Variants in SERPINI1 observed in about 807,000 individuals in gnomAD.
SERPINI1 encodes serpin family I member 1.
Under a neutral mutation model 41.1 loss-of-function variants are expected in SERPINI1, and 19 were observed. That is an observed-to-expected ratio of 0.46 (90% CI 0.32 to 0.68). SERPINI1 has a LOEUF of 0.68. SERPINI1 is among the 30% of genes least tolerant of loss of function. The pLI, the probability that SERPINI1 is intolerant of heterozygous loss-of-function variation, is 0.03. For synonymous variants in SERPINI1, 138 were observed against 156.6 expected, an observed-to-expected ratio of 0.88 and a Z score of 0.89; for missense variants, 460 against 479.2, an observed-to-expected ratio of 0.96 and a Z score of 0.37.
At chr3:167,778,499 T>C (rs957010180) in intron 1 of SERPINI1, among the ~76,000 whole-genome samples, 4 of 152,200 alleles carry the variant, frequency 2.6e-5, no homozygotes, top group African/African-American at 9.7e-5. Flanking sequence ...GCTGAGTCAG[T>C]GTCTGTGTGG....
intron 1 of SERPINI1, among the ~76,000 whole-genome samples, chr3:167,786,875 TACTC>T (rs1470871613): frequency 3.3e-5 from 5 of 152,160 alleles, no homozygotes; most frequent in East Asian, 1.9e-4. Flanking sequence ...ACTTACCTCT[TACTC>T]ACTCACTTAC....
chr3:167,824,328 T>A, intron 7 of SERPINI1, 145 bp from the exon 8 acceptor site: 1 of 598,370 alleles, frequency 1.7e-6, no homozygotes, highest in Admixed American at 2.8e-5. Flanking sequence ...ACCTTTATAA[T>A]TTTTCTCCAG....
At chr3:167,804,098 G>A (rs899524376) in intron 5 of SERPINI1, among the ~76,000 whole-genome samples, 8 of 151,972 alleles carry the variant, frequency 5.3e-5, no homozygotes, top group African/African-American at 1.9e-4. Flanking sequence ...TTTTTGAGAT[G>A]GATACCATAG....
At chr3:167,815,715 T>G (rs576593599) in intron 6 of SERPINI1, among the ~76,000 whole-genome samples, 59 of 152,196 alleles carry the variant, frequency 3.9e-4, no homozygotes, top group African/African-American at 1.3e-3. Context: ...TTTCTTCTAC[T>G]TATGTATCCA....
chr3:167,818,264 G>A (rs186457354), intron 6 of SERPINI1, among the ~76,000 whole-genome samples: 1,551 of 151,960 alleles, frequency 0.01, 15 homozygotes, highest in Non-Finnish European at 0.015. Flanking sequence ...CTGACCTCAG[G>A]TTATCTGCCC....
chr3:167,819,758 T>C (rs1318538843), intron 6 of SERPINI1, among the ~76,000 whole-genome samples: 1 of 152,226 alleles, frequency 6.6e-6, no homozygotes, highest in Admixed American at 6.5e-5. Context: ...TAGAACTTGA[T>C]ACTTACAAAG....
Position 167,794,766 on chromosome 3 carries a change from C to G in SERPINI1, c.823C>G (p.Leu275Val). 6.2e-7 allele frequency: 1 copy of G among 1,613,634 alleles called. No individual in the cohort carries two copies. Among genetic ancestry groups the G allele is most frequent in the Non-Finnish European group, 8.5e-7 (1 of 1,179,802 alleles). The change falls in exon 5 of 9, where the codon CTG becomes GTG. Residue 275 changes from leucine (L) to valine (V), a missense_variant. Leu to Val is a conservative substitution (Grantham distance 32). Coordinates refer to ENST00000446050, the MANE Select transcript of SERPINI1 (RefSeq NM_001122752.2). ...TCTGGAGCCATTAGTCAAAGCACAG[C>G]TGGTTGAAGAATGGGCAAACTCTGT... ...ATLEPLVKAQ[L>V]VEEWANSVKK...
intron 5 of SERPINI1, among the ~76,000 whole-genome samples, chr3:167,803,648 A>G (rs1711522855): frequency 1.3e-5 from 2 of 152,166 alleles, no homozygotes; most frequent in Admixed American, 6.5e-5. Context: ...TCGGTCACTC[A>G]TCATCACCTG....
intron 1 of SERPINI1, among the ~76,000 whole-genome samples, chr3:167,786,473 A>ACT (rs1727315992): frequency 6.9e-6 from 1 of 145,256 alleles, no homozygotes; most frequent in African/African-American, 2.6e-5. Flanking sequence ...GCACCACTGC[A>ACT]CTCCAGCCTG....
chr3:167,739,114 T>C (rs1725580289), intron 1 of SERPINI1, among the ~76,000 whole-genome samples: 1 of 149,704 alleles, frequency 6.7e-6, no homozygotes, highest in Non-Finnish European at 1.5e-5. Context: ...GTTGTTTCTT[T>C]TTTTTTTTTT....
At chr3:167,741,184 G>T (rs1039490032) in intron 1 of SERPINI1, among the ~76,000 whole-genome samples, 1 of 152,150 alleles carries the variant, frequency 6.6e-6, no homozygotes, top group African/African-American at 2.4e-5. Flanking sequence ...CCCCCTTCTG[G>T]TTCTGCCTGG....
chr3:167,753,273 A>T (rs1034340490), intron 1 of SERPINI1, among the ~76,000 whole-genome samples: 3 of 152,138 alleles, frequency 2.0e-5, no homozygotes, highest in African/African-American at 7.2e-5. Context: ...GCTTTCTCAA[A>T]GCAGTTATTT....
intron 1 of SERPINI1, among the ~76,000 whole-genome samples, chr3:167,755,409 A>G (rs185254238): frequency 6.6e-6 from 1 of 152,350 alleles, no homozygotes; most frequent in East Asian, 1.9e-4. Flanking sequence ...AAAGGAACTT[A>G]CTGGTAAAAA....
rs1335905950 is a variant in SERPINI1 at position 167,771,396 on chromosome 3, T to C, written c.-18-17715T>C. Among the ~76,000 whole-genome samples, 3 of 152,176 alleles carry C rather than the reference T, an allele frequency of 2.0e-5. No homozygotes were observed. The East Asian group carries it at 5.8e-4, about 29-fold the overall frequency. Reference sequence around the variant, plus strand: ...TCCAACATATGCTGTTAAATGAAAGTAAAAATGTAAACCAGTGTATACGAA... The same window carrying C: ...TCCAACATATGCTGTTAAATGAAAGCAAAAATGTAAACCAGTGTATACGAA... On this transcript the variant is annotated intron_variant, in intron 1 of 8. Coordinates refer to ENST00000446050, the MANE Select transcript of SERPINI1 (RefSeq NM_001122752.2).
At chr3:167,817,895 G>A (rs944793131) in intron 6 of SERPINI1, among the ~76,000 whole-genome samples, 44 of 151,910 alleles carry the variant, frequency 2.9e-4, no homozygotes, top group Non-Finnish European at 5.0e-4. Context: ...CACCGCGCCC[G>A]GCCAAATTTT....
intron 1 of SERPINI1, among the ~76,000 whole-genome samples, chr3:167,776,163 G>A (rs1033278646): frequency 1.4e-4 from 21 of 152,262 alleles, no homozygotes; most frequent in Middle Eastern, 3.4e-3. Context: ...ATGGCCTTGG[G>A]CCACATGCAA....
At chr3:167,790,733 T>A in intron 3 of SERPINI1, 131 bp downstream of exon 3, 1 of 697,950 alleles carries the variant, frequency 1.4e-6, no homozygotes. Flanking sequence ...CTAATAATTA[T>A]TTTGTATAGA....
intron 1 of SERPINI1, among the ~76,000 whole-genome samples, chr3:167,784,483 A>T (rs1176557447): frequency 6.6e-6 from 1 of 152,204 alleles, no homozygotes; most frequent in Non-Finnish European, 1.5e-5. Context: ...TCACACGGCT[A>T]TGAAGAAATA....
chr3:167,785,689 G>A (rs1017040836), intron 1 of SERPINI1, among the ~76,000 whole-genome samples: 1 of 152,054 alleles, frequency 6.6e-6, no homozygotes, highest in Non-Finnish European at 1.5e-5. Flanking sequence ...TCATCTCATG[G>A]TACGTTCATT....
Sources: gnomAD v4.1 joint callset for allele counts (sites outside exome capture counted in the v4.1 genomes callset) on GRCh38, gnomAD v4.1.1 for gene constraint, MANE v1.5 for transcripts, NCBI Gene and HGNC (gene_info 2026-07-23, HGNC 2026-07-21) for gene names.